Variants in SLC35A3 observed in about 807,000 individuals in gnomAD.
The protein encoded by SLC35A3 is solute carrier family 35 member A3.
A neutral mutation model predicts 39.0 loss-of-function variants in SLC35A3; 26 were observed. The observed-to-expected ratio is 0.67, with a 90% CI of 0.49 to 0.92. The LOEUF (loss-of-function observed/expected upper bound fraction) is 0.92, where lower values mean the gene tolerates loss of function less well. SLC35A3 is among the 40% of genes least tolerant of loss of function. The probability of loss-of-function intolerance (pLI) is 0.00; values close to 1 mark genes in which losing one functional copy is unlikely to be tolerated. For missense variants in SLC35A3, 299 were observed against 371.6 expected, an observed-to-expected ratio of 0.80 and a Z score of 1.61; for synonymous variants, 135 against 133.1, an observed-to-expected ratio of 1.01 and a Z score of -0.10.
chr1:99,996,971 G>A (rs1163684104), intron 2 of SLC35A3, among the ~76,000 whole-genome samples: 1 of 151,708 alleles, frequency 6.6e-6, no homozygotes, highest in East Asian at 1.9e-4. Context: ...GGGTTCCTTC[G>A]AATTAGAATA....
chr1:99,987,574 T>G (rs1657823090), intron 1 of SLC35A3, among the ~76,000 whole-genome samples: 1 of 152,200 alleles, frequency 6.6e-6, no homozygotes, highest in South Asian at 2.1e-4. Context: ...AAGCTAGACT[T>G]AATGCTTTTA....
chr1:100,027,105 A>G lies in SLC35A3; in HGVS notation c.*4629A>G. 1 of 398,460 alleles carries G rather than the reference A, an allele frequency of 2.5e-6. No homozygotes were observed. Among genetic ancestry groups the G allele is most frequent in the Non-Finnish European group, 4.4e-6 (1 of 226,012 alleles). 24.7% of individuals were successfully genotyped at this position (398,460 alleles called of 1,614,324 possible). ...TTTTCTCTGGCTCTGTAGTATCTCT[A>G]TCACTGTCACATGTGATCTTTCTTC... On this transcript the variant is annotated 3_prime_UTR_variant, in exon 8 of 8. Transcript: ENST00000533028.
rs1462430522 is a variant in SLC35A3, at chr1:100,034,589, ATCT to A, written c.*12119_*12121del. The A allele has an allele frequency of 1.3e-5, 2 of 152,102 alleles. No homozygotes were observed. The highest frequency in any genetic ancestry group is 1.9e-4 in the East Asian group (1 of 5,192). 9.4% of individuals were successfully genotyped at this position (152,102 alleles called of 1,614,324 possible). A position where few individuals can be genotyped will look rare whatever the true frequency, so the allele number is the denominator to read the frequency against. Reference sequence around the variant, plus strand: ...TTCTATTCATGATTAAATGTGTAGGATCTTCTTCAATCAGCAATAACAGGTGGC... The same window carrying A: ...TTCTATTCATGATTAAATGTGTAGGATCTTCAATCAGCAATAACAGGTGGC... On this transcript the variant is annotated 3_prime_UTR_variant, in exon 8 of 8. Transcript: ENST00000533028.
intron 1 of SLC35A3, among the ~76,000 whole-genome samples, chr1:99,987,690 A>G (rs1187476281): frequency 6.6e-6 from 1 of 152,172 alleles, no homozygotes. Context: ...ATTAGGAGTT[A>G]AGGATCATAT....
chr1:99,979,577 G>A (rs1463924450), intron 1 of SLC35A3, among the ~76,000 whole-genome samples: 1 of 151,186 alleles, frequency 6.6e-6, no homozygotes, highest in African/African-American at 2.4e-5. Flanking sequence ...GGGACTACAG[G>A]CGCCCGCCAC....
At chr1:99,987,035 G>A (rs368424077) in intron 1 of SLC35A3, among the ~76,000 whole-genome samples, 23 of 152,344 alleles carry the variant, frequency 1.5e-4, no homozygotes, top group Non-Finnish European at 2.4e-4. Flanking sequence ...TCTGCCAAAT[G>A]TAAGTTGCTG....
At position 100,023,616 on chromosome 1, in the gene SLC35A3, C is replaced by T. The variant is rs993277352; in HGVS notation, c.*1140C>T. 4.6e-5 allele frequency: 7 copies of T among 152,200 alleles called. No individual in the cohort carries two copies. Among genetic ancestry groups the T allele is most frequent in the South Asian group, 2.1e-4 (1 of 4,834 alleles). 9.4% of individuals were successfully genotyped at this position (152,200 alleles called of 1,614,324 possible). Reference sequence around the variant, plus strand: ...CTATGACTTTAAATCCAAGGCTGCTCGGAAGATTTTTTTAGGTCTCTCATA... The same window carrying T: ...CTATGACTTTAAATCCAAGGCTGCTTGGAAGATTTTTTTAGGTCTCTCATA... On this transcript the variant is annotated 3_prime_UTR_variant, in exon 8 of 8. Coordinates refer to ENST00000533028, the MANE Select transcript of SLC35A3 (RefSeq NM_012243.3).
intron 7 of SLC35A3, among the ~76,000 whole-genome samples, chr1:100,021,109 A>T (rs1660504873): frequency 1.3e-5 from 2 of 152,158 alleles, no homozygotes; most frequent in Admixed American, 1.3e-4. Context: ...TTAAAAGTTA[A>T]GATTGCACTT....
chr1:99,997,172 A>G (rs1217831746), intron 2 of SLC35A3, among the ~76,000 whole-genome samples: 2 of 151,766 alleles, frequency 1.3e-5, no homozygotes, highest in Non-Finnish European at 2.9e-5. Context: ...AAATAAAGGA[A>G]AAGACTTCCC....
intron 2 of SLC35A3, among the ~76,000 whole-genome samples, chr1:99,995,926 G>C (rs1658375986): frequency 6.6e-6 from 1 of 152,210 alleles, no homozygotes; most frequent in East Asian, 1.9e-4. Context: ...TGAGATGGTA[G>C]TGTTTTTGCT....
chr1:100,014,086 T>C (rs1464702654), intron 5 of SLC35A3, among the ~76,000 whole-genome samples: 2 of 152,244 alleles, frequency 1.3e-5, no homozygotes, highest in African/African-American at 4.8e-5. Flanking sequence ...AGACAGTTTC[T>C]GCTGTCACCA....
intron 3 of SLC35A3, among the ~76,000 whole-genome samples, chr1:100,001,052 G>C (rs762853753): frequency 3.3e-5 from 5 of 151,948 alleles, no homozygotes; most frequent in African/African-American, 1.2e-4. Flanking sequence ...TCTCTATTTT[G>C]TTCCATTGGT....
chr1:100,011,028 G>C (rs900521455), intron 4 of SLC35A3, among the ~76,000 whole-genome samples: 1 of 152,068 alleles, frequency 6.6e-6, no homozygotes, highest in Admixed American at 6.6e-5. Flanking sequence ...GGGGATGTGA[G>C]ATTCTCATTC....
Position 100,007,282 on chromosome 1 carries a change from A to G in SLC35A3, c.465+126A>G, listed in dbSNP as rs927066196. On this transcript the variant is annotated intron_variant, in intron 4 of 7. Coordinates refer to ENST00000533028, the MANE Select transcript of SLC35A3 (RefSeq NM_012243.3). ...ACAAATGTTTTTCCCCACAACTAACATATGTTTTGAGGGCATCCTTTATGT... is the reference window on the plus strand; with the variant it reads ...ACAAATGTTTTTCCCCACAACTAACGTATGTTTTGAGGGCATCCTTTATGT... 26 of 834,826 alleles carry G rather than the reference A, an allele frequency of 3.1e-5. 1 individual carries two copies. The highest frequency in any genetic ancestry group is 2.8e-5 in the Admixed American group (1 of 35,434). 51.7% of individuals were successfully genotyped at this position (834,826 alleles called of 1,614,324 possible).
At chr1:100,008,640 T>A (rs1659407538) in intron 4 of SLC35A3, 2 of 152,376 alleles carry the variant, frequency 1.3e-5, no homozygotes, top group African/African-American at 4.8e-5. Context: ...CTTTCTCTTG[T>A]GCCTACAATG....
Position 100,032,456 on chromosome 1 carries a change from T to C in SLC35A3, c.*9980T>C, listed in dbSNP as rs1661294407. ...CATGTCTTCATGAATTTAAAAAAAATTACTCAATATATTATAGCCAATCGG... is the reference window on the plus strand; with the variant it reads ...CATGTCTTCATGAATTTAAAAAAAACTACTCAATATATTATAGCCAATCGG... On this transcript the variant is annotated 3_prime_UTR_variant, in exon 8 of 8. Coordinates refer to ENST00000533028, the MANE Select transcript of SLC35A3 (RefSeq NM_012243.3). The C allele has an allele frequency of 6.6e-6, 1 of 152,174 alleles. No homozygotes were observed. The allele number at this position is 152,174 out of a possible 1,614,324, so 9.4% of individuals were successfully genotyped here.
intron 1 of SLC35A3, among the ~76,000 whole-genome samples, chr1:99,977,364 CAAA>C (rs61423393): frequency 3.0e-5 from 3 of 98,472 alleles, no homozygotes; most frequent in African/African-American, 3.6e-5. Flanking sequence ...TTAAAAATAC[CAAA>C]AAAAAAAAAA....
chr1:99,995,010 T>A (rs1324659213), intron 2 of SLC35A3, among the ~76,000 whole-genome samples: 1 of 152,120 alleles, frequency 6.6e-6, no homozygotes, highest in Non-Finnish European at 1.5e-5. Flanking sequence ...TTCTAATAGG[T>A]GTGAAGTAGT....
intron 1 of SLC35A3, among the ~76,000 whole-genome samples, chr1:99,976,291 T>C (rs1657102518): frequency 6.6e-6 from 1 of 152,170 alleles, no homozygotes; most frequent in African/African-American, 2.4e-5. Context: ...TCTAAGACTG[T>C]AGGTTTACCT....
Sources: gnomAD v4.1 joint callset for allele counts (sites outside exome capture counted in the v4.1 genomes callset) on GRCh38, gnomAD v4.1.1 for gene constraint, MANE v1.5 for transcripts, NCBI Gene and HGNC (gene_info 2026-07-23, HGNC 2026-07-21) for gene names.